Variants in PRKG1 observed in about 807,000 individuals in gnomAD.
The protein encoded by PRKG1 is protein kinase cGMP-dependent 1.
A neutral mutation model predicts 88.1 loss-of-function variants in PRKG1; 35 were observed. The ratio of observed to expected loss-of-function variants is 0.40; its 90% CI spans 0.30 to 0.53. The LOEUF is 0.53. PRKG1 is among the 20% of genes least tolerant of loss of function. The pLI is 0.59. For missense variants in PRKG1, 540 were observed against 839.8 expected, an observed-to-expected ratio of 0.64 and a Z score of 4.41; for synonymous variants, 303 against 292.5, an observed-to-expected ratio of 1.04 and a Z score of -0.37.
At position 51,747,049 on chromosome 10, in the gene PRKG1, T is replaced by A. The variant is rs1021382796; in HGVS notation, c.593-57536T>A. ...CCAGCAACTTACAGGTACAAATCTT[T>A]GTGTGCTGTTATTTTACCTGGAGTC... On this transcript the variant is annotated intron_variant, in intron 3 of 17. Transcript: ENST00000373980. Among the ~76,000 whole-genome samples the A allele has an allele frequency of 2.0e-5, 3 of 152,246 alleles. No homozygotes were observed. In the South Asian group the frequency reaches 6.2e-4, roughly 31 times the overall value.
chr10:52,024,316 A>ATTTTTGT (rs201621834), intron 5 of PRKG1, among the ~76,000 whole-genome samples: 17 of 131,570 alleles, frequency 1.3e-4, no homozygotes, highest in Admixed American at 2.9e-4. Flanking sequence ...TATTTATTTA[A>ATTTTTGT]CTTTTTTTTT....
chr10:51,414,237 C>T (rs1305890065), intron 2 of PRKG1, among the ~76,000 whole-genome samples: 1 of 152,146 alleles, frequency 6.6e-6, no homozygotes, highest in East Asian at 1.9e-4. Context: ...ACAGCAGGAA[C>T]ATTGCAAATG....
intron 2 of PRKG1, among the ~76,000 whole-genome samples, chr10:51,406,621 GT>G (rs34189565): frequency 0.055 from 7,755 of 141,800 alleles, 263 homozygotes; most frequent in East Asian, 0.18. Context: ...CATTATGTTT[GT>G]TTTTTTTTTT....
At chr10:52,223,160 G>GCT (rs1475649203) in intron 9 of PRKG1, among the ~76,000 whole-genome samples, 3 of 152,188 alleles carry the variant, frequency 2.0e-5, no homozygotes, top group Admixed American at 1.3e-4. Context: ...TGCTTTGACT[G>GCT]CTAATCCAGT....
At chr10:52,094,845 G>C (rs557607383) in intron 7 of PRKG1, among the ~76,000 whole-genome samples, 1 of 152,104 alleles carries the variant, frequency 6.6e-6, no homozygotes, top group African/African-American at 2.4e-5. Flanking sequence ...TACCTCCCAA[G>C]ACCCCATCTC....
At chr10:51,737,740 A>AATTATT (rs200144590) in intron 3 of PRKG1, among the ~76,000 whole-genome samples, 6,076 of 132,448 alleles carry the variant, frequency 0.046, 205 homozygotes, top group Non-Finnish European at 0.059. Flanking sequence ...TTTATTTATT[A>AATTATT]ATTATTATTA....
intron 2 of PRKG1, among the ~76,000 whole-genome samples, chr10:51,213,315 G>A (rs1025099176): frequency 6.6e-6 from 1 of 151,938 alleles, no homozygotes; most frequent in African/African-American, 2.4e-5. Context: ...GGGGACTGTT[G>A]TGGGGTTGGG....
intron 5 of PRKG1, among the ~76,000 whole-genome samples, chr10:51,989,840 G>A (rs1844256447): frequency 6.6e-6 from 1 of 151,988 alleles, no homozygotes; most frequent in Non-Finnish European, 1.5e-5. Context: ...TTGTGCATTT[G>A]TTGCCTATGC....
intron 1 of PRKG1, among the ~76,000 whole-genome samples, chr10:51,137,767 A>T (rs1415847912): frequency 1.3e-5 from 2 of 152,218 alleles, no homozygotes; most frequent in Non-Finnish European, 2.9e-5. Flanking sequence ...GAGCTGAGTG[A>T]CAAGTTCAGA....
intron 4 of PRKG1, among the ~76,000 whole-genome samples, chr10:51,808,818 A>G (rs1839375931): frequency 6.6e-6 from 1 of 152,216 alleles, no homozygotes; most frequent in South Asian, 2.1e-4. Flanking sequence ...TGGCAATGCT[A>G]TTAAAAAAAT....
chr10:51,422,438 C>T (rs907868733), intron 2 of PRKG1, among the ~76,000 whole-genome samples: 1 of 152,164 alleles, frequency 6.6e-6, no homozygotes, highest in Admixed American at 6.6e-5. Context: ...GGCCAGTTGC[C>T]GGCCCCATCC....
intron 10 of PRKG1, among the ~76,000 whole-genome samples, chr10:52,263,625 G>A (rs911379243): frequency 2.3e-4 from 34 of 150,116 alleles, no homozygotes; most frequent in African/African-American, 6.2e-4. Context: ...CACCCAGGCC[G>A]GAGTGCAGTG....
At chr10:51,674,733 C>A (rs997938250) in intron 3 of PRKG1, among the ~76,000 whole-genome samples, 3 of 152,116 alleles carry the variant, frequency 2.0e-5, no homozygotes, top group African/African-American at 7.2e-5. Flanking sequence ...ATCGAGGTGA[C>A]AATTTGGATG....
At chr10:51,409,562 A>G (rs1270640342) in intron 2 of PRKG1, among the ~76,000 whole-genome samples, 1 of 151,992 alleles carries the variant, frequency 6.6e-6, no homozygotes, top group Non-Finnish European at 1.5e-5. Context: ...CTGTCTCTCA[A>G]AAGGAAAGTA....
chr10:52,289,335 C>A (rs142704437), intron 16 of PRKG1, among the ~76,000 whole-genome samples: 1 of 152,018 alleles, frequency 6.6e-6, no homozygotes, highest in Non-Finnish European at 1.5e-5. Flanking sequence ...CTGTATCTTA[C>A]CTGATTTCCT....
chr10:51,696,367 T>C (rs541802881), intron 3 of PRKG1: 2 of 152,160 alleles, frequency 1.3e-5, no homozygotes, highest in East Asian at 1.9e-4. Context: ...CCACTACTTA[T>C]GAAAAGTCAA....
At chr10:51,996,380 A>C (rs761678975) in intron 5 of PRKG1, among the ~76,000 whole-genome samples, 1 of 151,276 alleles carries the variant, frequency 6.6e-6, no homozygotes, top group East Asian at 2.0e-4. Context: ...TGCAATCCAC[A>C]TATCAGATGA....
At chr10:51,160,192 T>G (rs1448734920) in intron 2 of PRKG1, among the ~76,000 whole-genome samples, 1 of 152,212 alleles carries the variant, frequency 6.6e-6, no homozygotes, top group Non-Finnish European at 1.5e-5. Context: ...ATCCTTTCCC[T>G]TATGTAATGT....
chr10:51,144,236 T>C (rs1270622936), intron 1 of PRKG1, among the ~76,000 whole-genome samples: 2 of 152,054 alleles, frequency 1.3e-5, no homozygotes, highest in Admixed American at 6.6e-5. Context: ...AGTGGAACAT[T>C]TGCTTTTGGA....
Sources: allele counts gnomAD v4.1 joint callset (sites outside exome capture counted in the v4.1 genomes callset), GRCh38; gene constraint gnomAD v4.1.1; transcripts MANE v1.5; gene names NCBI Gene and HGNC (gene_info 2026-07-23, HGNC 2026-07-21).